The following UBAC2 variants were observed in gnomAD, a reference collection of about 807,000 sequenced individuals.
UBAC2 encodes the protein ubiquitin-associated domain-containing protein 2.
UBAC2 carries 26 observed loss-of-function variants against 44.0 expected under a neutral mutation model. The ratio of observed to expected loss-of-function variants is 0.59; its 90% confidence interval spans 0.43 to 0.82. UBAC2 has a LOEUF of 0.82. Among genes scored for constraint, UBAC2 ranks in the 40% least tolerant of loss-of-function variants. UBAC2 has a pLI of 0.00. For synonymous variants in UBAC2, 155 were observed against 154.3 expected, an observed-to-expected ratio of 1.00 and a Z score of -0.04; for missense variants, 329 against 419.4, an observed-to-expected ratio of 0.78 and a Z score of 1.88.
At chr13:99,239,351 C>G (rs910878003) in intron 2 of UBAC2, among the ~76,000 whole-genome samples, 2 of 152,164 alleles carry the variant, frequency 1.3e-5, no homozygotes, top group African/African-American at 4.8e-5. Flanking sequence ...CCTTCTCAAC[C>G]CCGGACACAC....
At chr13:99,331,180 A>T (rs2044711783) in intron 6 of UBAC2, among the ~76,000 whole-genome samples, 3 of 152,324 alleles carry the variant, frequency 2.0e-5, no homozygotes, top group South Asian at 4.1e-4. Context: ...GTAAACACAC[A>T]TATTTGTGTG....
At chr13:99,314,069 A>G (rs770633315) in intron 4 of UBAC2, 28 bp from the exon 5 acceptor site, 78 of 1,589,108 alleles carry the variant, frequency 4.9e-5, no homozygotes, top group Non-Finnish European at 6.3e-5. Flanking sequence ...TCACTATTAT[A>G]GTGATTTTTT....
intron 7 of UBAC2, among the ~76,000 whole-genome samples, chr13:99,341,035 C>T (rs1312786248): frequency 6.7e-6 from 1 of 150,060 alleles, no homozygotes; most frequent in Non-Finnish European, 1.5e-5. Flanking sequence ...AAAAAAAATG[C>T]TGTGTTTTCT....
intron 6 of UBAC2, among the ~76,000 whole-genome samples, chr13:99,320,337 G>GA (rs1476836817): frequency 6.6e-6 from 1 of 152,114 alleles, no homozygotes; most frequent in Non-Finnish European, 1.5e-5. Context: ...AAAGGAATCA[G>GA]ACGTTTAAAA....
chr13:99,291,845 A>G (rs2044092696), intron 4 of UBAC2, among the ~76,000 whole-genome samples: 1 of 152,228 alleles, frequency 6.6e-6, no homozygotes, highest in South Asian at 2.1e-4. Flanking sequence ...TATTAGTAAT[A>G]ATACAAAACA....
At chr13:99,384,205 G>A (rs2045589013) in intron 8 of UBAC2, among the ~76,000 whole-genome samples, 1 of 152,114 alleles carries the variant, frequency 6.6e-6, no homozygotes, top group Non-Finnish European at 1.5e-5. Context: ...TGGAAACTCT[G>A]ACTAAGTCCT....
At chr13:99,284,188 G>C (rs1386881664) in intron 4 of UBAC2, among the ~76,000 whole-genome samples, 1 of 152,174 alleles carries the variant, frequency 6.6e-6, no homozygotes, top group Non-Finnish European at 1.5e-5. Flanking sequence ...TTCAAACTTT[G>C]CTGCTAAAAT....
chr13:99,209,494 T>A (rs1279185747), intron 1 of UBAC2, among the ~76,000 whole-genome samples: 3 of 152,208 alleles, frequency 2.0e-5, no homozygotes, highest in Non-Finnish European at 4.4e-5. Context: ...GGTTTTCTGT[T>A]TGTGGGCCAG....
At chr13:99,231,437 G>A (rs1033450451) in intron 1 of UBAC2, 10 of 121,600 alleles carry the variant, frequency 8.2e-5, no homozygotes, top group African/African-American at 3.1e-4. Flanking sequence ...TTTTGAGATG[G>A]AGTTTCTCCC....
intron 6 of UBAC2, among the ~76,000 whole-genome samples, chr13:99,321,541 C>T (rs767831693): frequency 3.3e-5 from 5 of 152,160 alleles, no homozygotes; most frequent in Admixed American, 1.3e-4. Flanking sequence ...GAACTCCTGA[C>T]GTCAGGGGAT....
chr13:99,212,126 T>G (rs1485118908), intron 1 of UBAC2, among the ~76,000 whole-genome samples: 1 of 152,238 alleles, frequency 6.6e-6, no homozygotes, highest in African/African-American at 2.4e-5. Context: ...ACTTTTTCCG[T>G]TCTCAACCTG....
intron 8 of UBAC2, among the ~76,000 whole-genome samples, chr13:99,370,577 C>T (rs1248180004): frequency 2.0e-5 from 3 of 152,210 alleles, no homozygotes; most frequent in Non-Finnish European, 2.9e-5. Flanking sequence ...CATTCCCTGT[C>T]CCCAGAGTGA....
At chr13:99,271,621 CA>C (rs1383951669) in intron 4 of UBAC2, among the ~76,000 whole-genome samples, 2 of 152,176 alleles carry the variant, frequency 1.3e-5, no homozygotes, top group Non-Finnish European at 2.9e-5. Context: ...TTTAAAAAAG[CA>C]CTTAATCATT....
chr13:99,242,675 C>A (rs1404017527), intron 2 of UBAC2, among the ~76,000 whole-genome samples: 1 of 2,912 alleles, frequency 3.4e-4, no homozygotes. Context: ...GCTGGCCGGG[C>A]GGGGGGCTGA....
At chr13:99,371,156 T>G (rs1017002152) in intron 8 of UBAC2, among the ~76,000 whole-genome samples, 4 of 143,654 alleles carry the variant, frequency 2.8e-5, no homozygotes, top group Non-Finnish European at 6.2e-5. Context: ...TTCAGGGTTG[T>G]TTTTTTTTTT....
At chr13:99,384,831 T>TGTGATGCCAGGGCCGAGTGTGGCAGTGAC (rs1566533724) in intron 8 of UBAC2, among the ~76,000 whole-genome samples, 2 of 112,272 alleles carry the variant, frequency 1.8e-5, no homozygotes, top group Non-Finnish European at 4.0e-5. Flanking sequence ...GTGGCAGTGA[T>TGTGATGCCAGGGCCGAGTGTGGCAGTGAC]GCCAGGAGTG....
chr13:99,262,532 G>C (rs1367993281), intron 4 of UBAC2, among the ~76,000 whole-genome samples: 1 of 151,834 alleles, frequency 6.6e-6, no homozygotes, highest in East Asian at 1.9e-4. Context: ...GCAAAACCCT[G>C]TCTCTACTAA....
intron 7 of UBAC2, among the ~76,000 whole-genome samples, chr13:99,346,508 C>T (rs961386384): frequency 2.0e-5 from 3 of 152,246 alleles, no homozygotes; most frequent in South Asian, 4.1e-4. Context: ...CATGCCTCAC[C>T]GGGTTACTCA....
At chr13:99,296,613 A>G (rs1220720675) in intron 4 of UBAC2, among the ~76,000 whole-genome samples, 1 of 152,170 alleles carries the variant, frequency 6.6e-6, no homozygotes, top group African/African-American at 2.4e-5. Context: ...AACCAAATGC[A>G]TATCACTGCC....
Sources: allele counts gnomAD v4.1 joint callset (sites outside exome capture counted in the v4.1 genomes callset), GRCh38; gene constraint gnomAD v4.1.1; transcripts MANE v1.5; gene names NCBI Gene and HGNC (gene_info 2026-07-23, HGNC 2026-07-21).